The following CARF variants were observed in gnomAD, a reference collection of about 807,000 sequenced individuals.
The protein encoded by CARF is calcium responsive transcription factor, also known as calcium-responsive transcription factor.
Under a neutral mutation model 82.0 loss-of-function variants are expected in CARF, and 57 were observed. The ratio of observed to expected loss-of-function variants is 0.70; its 90% CI spans 0.56 to 0.87. The LOEUF (loss-of-function observed/expected upper bound fraction) is 0.87, where lower values mean the gene tolerates loss of function less well. Ranked by LOEUF, CARF falls within the 40% of genes least tolerant of loss-of-function variation. The pLI is 0.00. For synonymous variants in CARF, 268 were observed against 290.1 expected (o/e 0.92, Z 0.77); for missense variants, 771 against 855.8 (o/e 0.90, Z 1.24).
At chr2:202,947,814 T>C (rs2058570462) in intron 5 of CARF, among the ~76,000 whole-genome samples, 1 of 152,232 alleles carries the variant, frequency 6.6e-6, no homozygotes, top group African/African-American at 2.4e-5. Context: ...GTTTGTTTAC[T>C]GTGTTGATAG....
chr2:202,944,114 G>C (rs2058376689), intron 5 of CARF, among the ~76,000 whole-genome samples: 1 of 152,138 alleles, frequency 6.6e-6, no homozygotes, highest in Admixed American at 6.5e-5. Flanking sequence ...TGTGCCACGT[G>C]AGTAATAATG....
chr2:202,912,681 AAGG>A lies in CARF; in HGVS notation c.-744_-742del, dbSNP rs1161308769. On this transcript the variant is annotated 5_prime_UTR_variant, in exon 1 of 17. Transcript: ENST00000438828. ...CAGGCCCCAGAGGGGCAGGCTGGAG[AAGG>A]AGGAGGTTAGGTGTCTTCAGGAGGG... 6.6e-6 allele frequency: 1 copy of A among 150,672 alleles called. No homozygotes were observed. Among genetic ancestry groups the A allele is most frequent in the East Asian group, 2.0e-4 (1 of 5,054 alleles). 9.3% of individuals were successfully genotyped at this position (150,672 alleles called of 1,614,324 possible).
chr2:202,978,133 A>C (rs1358064614), intron 14 of CARF, among the ~76,000 whole-genome samples: 1 of 152,232 alleles, frequency 6.6e-6, no homozygotes, highest in Non-Finnish European at 1.5e-5. Flanking sequence ...GGCGTGAGCC[A>C]CTGCACCCGG....
In CARF at chr2:202,959,824, AAAAAAG is replaced by A. The variant is rs2059227173; in HGVS notation, c.643-1408_643-1403del. 2.0e-5 allele frequency among the ~76,000 whole-genome samples: 3 copies of A among 152,128 alleles called. No individual in the cohort carries two copies. The East Asian group carries it at 5.8e-4, about 29-fold the overall frequency. On this transcript the variant is annotated intron_variant, in intron 8 of 16. Transcript: ENST00000438828. ...AACTCCATCTCAAAAACAAAAAAAA[AAAAAAG>A]AAAAGAAAAAGTTTCTCCTCTAGTA...
chr2:202,912,579 C>T lies in CARF; in HGVS notation c.-853C>T, dbSNP rs1367730357. 6.6e-6 allele frequency: 1 copy of T among 151,954 alleles called. No homozygotes were observed. Among genetic ancestry groups the T allele is most frequent in the African/African-American group, 2.4e-5 (1 of 41,400 alleles). The allele number at this position is 151,954 out of a possible 1,614,324, so 9.4% of individuals were successfully genotyped here. On this transcript the variant is annotated 5_prime_UTR_variant, in exon 1 of 17. Transcript: ENST00000438828. Reference sequence around the variant, plus strand: ...AGCCGCAGCCGGTCACTGGCGGCGCCTTCCGCGCCAAGCTTGGGGGCCTTT... The same window carrying T: ...AGCCGCAGCCGGTCACTGGCGGCGCTTTCCGCGCCAAGCTTGGGGGCCTTT...
chr2:202,936,392 C>T (rs1030504909), intron 3 of CARF, among the ~76,000 whole-genome samples: 8 of 152,202 alleles, frequency 5.3e-5, no homozygotes, highest in Non-Finnish European at 2.9e-5. Context: ...AAAACATCTT[C>T]ATCACCTCAA....
At chr2:202,946,078 T>C (rs1182618964) in intron 5 of CARF, among the ~76,000 whole-genome samples, 1 of 152,238 alleles carries the variant, frequency 6.6e-6, no homozygotes, top group Non-Finnish European at 1.5e-5. Context: ...ATTGAGCTTT[T>C]TTTCATATGC....
At chr2:202,917,467 C>A (rs1014457248) in intron 1 of CARF, among the ~76,000 whole-genome samples, 4 of 152,056 alleles carry the variant, frequency 2.6e-5, no homozygotes, top group African/African-American at 4.8e-5. Flanking sequence ...AAGAAATAAG[C>A]CTGTCAATTC....
intron 3 of CARF, among the ~76,000 whole-genome samples, chr2:202,940,023 CTTTG>C (rs566558494): frequency 1.1e-3 from 161 of 151,170 alleles, no homozygotes; most frequent in African/African-American, 2.6e-3. Context: ...TTCATTGTTT[CTTTG>C]TTTGTTTGTT....
intron 1 of CARF, 38 bp downstream of exon 1, chr2:202,913,140 C>A (rs1421739253): frequency 6.6e-6 from 1 of 152,004 alleles, no homozygotes; most frequent in Non-Finnish European, 1.5e-5. Flanking sequence ...TCCTTTTTTA[C>A]GTTGTTTAAA....
In CARF at chr2:202,982,242, A is replaced by G. The variant is rs200324198; in HGVS notation, c.1860A>G (p.Thr620=). Residue 620 remains threonine (T), a synonymous_variant, in exon 16 of 17, where the codon ACA becomes ACG. Transcript: ENST00000438828. ...AAAGTCATAGCCTTCAAAGAGATACATGCTTAACCCAAAACAATAGTACTG... is the reference window on the plus strand; with the variant it reads ...AAAGTCATAGCCTTCAAAGAGATACGTGCTTAACCCAAAACAATAGTACTG... The part of the protein sequence containing the change: ...LGQSHSLQRD[T]CLTQNNSTAS... 1.2e-6 allele frequency: 2 copies of G among 1,614,140 alleles called. No homozygotes were observed. Among genetic ancestry groups the G allele is most frequent in the African/African-American group, 1.3e-5 (1 of 75,050 alleles).
At chr2:202,941,474 A>G (rs1385469167) in intron 3 of CARF, among the ~76,000 whole-genome samples, 1 of 152,200 alleles carries the variant, frequency 6.6e-6, no homozygotes, top group African/African-American at 2.4e-5. Context: ...AAAATTATAT[A>G]CTGCTACAAT....
intron 2 of CARF, among the ~76,000 whole-genome samples, chr2:202,919,271 T>G (rs1363804652): frequency 6.6e-6 from 1 of 152,214 alleles, no homozygotes; most frequent in African/African-American, 2.4e-5. Context: ...CCAAAGTTTT[T>G]TCTTTTTAAG....
At chr2:202,919,779 G>A (rs1030564837) in intron 2 of CARF, among the ~76,000 whole-genome samples, 20 of 152,134 alleles carry the variant, frequency 1.3e-4, no homozygotes, top group African/African-American at 3.9e-4. Flanking sequence ...AATAGAGTAC[G>A]GGCTTTGAAA....
intron 13 of CARF, among the ~76,000 whole-genome samples, chr2:202,975,730 T>C (rs1014922819): frequency 6.6e-6 from 1 of 152,198 alleles, no homozygotes; most frequent in Non-Finnish European, 1.5e-5. Context: ...CTCCCTTTTT[T>C]AATAAATGGG....
At position 202,965,666 on chromosome 2, in the gene CARF, G is replaced by A. The variant is rs145777423; in HGVS notation, c.833-1312G>A. Among the ~76,000 whole-genome samples the A allele has an allele frequency of 9.7e-3, 1,477 of 151,994 alleles. 8 individuals are homozygous for A. The highest frequency in any genetic ancestry group is 0.017 in the Middle Eastern group (5 of 294). Reference sequence around the variant, plus strand: ...ACTATTACTTTTATATTTACTTATGGTGTCTTTTAAACAGAAGTTTTTATA... The same window carrying A: ...ACTATTACTTTTATATTTACTTATGATGTCTTTTAAACAGAAGTTTTTATA... On this transcript the variant is annotated intron_variant, in intron 9 of 16. Coordinates refer to ENST00000438828, the MANE Select transcript of CARF (RefSeq NM_024744.17).
At chr2:202,927,621 G>A (rs954763693) in intron 3 of CARF, among the ~76,000 whole-genome samples, 7 of 152,046 alleles carry the variant, frequency 4.6e-5, no homozygotes, top group East Asian at 3.9e-4. Flanking sequence ...TGTATAAAAC[G>A]TGTAATGATC....
chr2:202,956,571 C>G (rs1329947004), intron 8 of CARF, among the ~76,000 whole-genome samples: 1 of 151,754 alleles, frequency 6.6e-6, no homozygotes, highest in East Asian at 1.9e-4. Flanking sequence ...TTCTGCCTTC[C>G]TCTTGTCCCA....
chr2:202,944,528 A>G (rs2058397154), intron 5 of CARF, among the ~76,000 whole-genome samples: 1 of 152,194 alleles, frequency 6.6e-6, no homozygotes, highest in Non-Finnish European at 1.5e-5. Flanking sequence ...TGATCCAGCC[A>G]AATTGAGTTT....
Sources: gnomAD v4.1 joint callset for allele counts (sites outside exome capture counted in the v4.1 genomes callset) on GRCh38, gnomAD v4.1.1 for gene constraint, MANE v1.5 for transcripts, NCBI Gene and HGNC (gene_info 2026-07-23, HGNC 2026-07-21) for gene names.